Variants in COL24A1 observed in about 807,000 individuals in gnomAD.
The protein encoded by COL24A1 is collagen alpha-1(XXIV) chain.
In COL24A1, 224 loss-of-function variants were observed where a neutral mutation model predicts 253.9. That is an observed-to-expected ratio of 0.88 (90% CI 0.79 to 0.99). The LOEUF is 0.99. Among genes scored for constraint, COL24A1 ranks in the 50% least tolerant of loss-of-function variants. The pLI is 0.00. For missense variants in COL24A1, 2,131 were observed against 2,068.5 expected (o/e 1.03, Z -0.59); for synonymous variants, 685 against 673.7 (o/e 1.02, Z -0.26).
chr1:85,741,210 T>C (rs1048159763), intron 57 of COL24A1, among the ~76,000 whole-genome samples: 2 of 152,138 alleles, frequency 1.3e-5, no homozygotes, highest in African/African-American at 4.8e-5. Context: ...CTACTTCTTT[T>C]CTCTCTTTTG....
At chr1:85,769,000 AAT>A (rs796703039) in intron 53 of COL24A1, among the ~76,000 whole-genome samples, 1 of 2,736 alleles carries the variant, frequency 3.7e-4, no homozygotes, top group Non-Finnish European at 5.2e-3. Context: ...CACAGAATTC[AAT>A]AAATTCAAAC....
At chr1:85,771,144 G>A (rs1667915340) in intron 53 of COL24A1, among the ~76,000 whole-genome samples, 1 of 152,046 alleles carries the variant, frequency 6.6e-6, no homozygotes, top group South Asian at 2.1e-4. Flanking sequence ...GGTTACATGT[G>A]CAGAACGTGC....
At chr1:85,783,642 TGC>T (rs1270229236) in intron 50 of COL24A1, 84 bp from the exon 51 acceptor site, 1 of 1,274,920 alleles carries the variant, frequency 7.8e-7, no homozygotes, top group Non-Finnish European at 1.1e-6. Flanking sequence ...TATCAAGAAT[TGC>T]TCTTTTAAAA....
chr1:85,754,767 A>G (rs1355642917), intron 55 of COL24A1, among the ~76,000 whole-genome samples: 1 of 151,972 alleles, frequency 6.6e-6, no homozygotes, highest in African/African-American at 2.4e-5. Flanking sequence ...GTTTATTGAG[A>G]TTATCCTGTT....
intron 51 of COL24A1, among the ~76,000 whole-genome samples, chr1:85,782,539 C>CT (rs1269780011): frequency 2.6e-5 from 4 of 152,132 alleles, no homozygotes; most frequent in African/African-American, 9.7e-5. Flanking sequence ...AGTTTATGTC[C>CT]TTTGTAGGGA....
chr1:85,907,325 A>C (rs2102898127), intron 27 of COL24A1, 78 bp from the exon 28 acceptor site: 1 of 1,184,408 alleles, frequency 8.4e-7, no homozygotes, highest in East Asian at 2.3e-5. Flanking sequence ...CTTTCTTATA[A>C]CATATATCCT....
At position 85,818,028 on chromosome 1, in the gene COL24A1, A is replaced by G; in HGVS notation, c.3843+6T>C. On this transcript the variant is annotated splice_donor_region_variant and intron_variant, in intron 46 of 59. Coordinates refer to ENST00000370571, the MANE Select transcript of COL24A1 (RefSeq NM_152890.7). Reference sequence around the variant, plus strand: ...GCAAGAAAGATGAAAGAGGCCTGTTACTTACAGGAATCCCAGGTTTCCCAG... The same window carrying G: ...GCAAGAAAGATGAAAGAGGCCTGTTGCTTACAGGAATCCCAGGTTTCCCAG... 3 of 1,612,980 alleles carry G rather than the reference A, an allele frequency of 1.9e-6. No homozygotes were observed. Among genetic ancestry groups the G allele is most frequent in the Non-Finnish European group, 2.5e-6 (3 of 1,179,018 alleles).
intron 57 of COL24A1, among the ~76,000 whole-genome samples, chr1:85,738,298 T>A (rs570351873): frequency 3.6e-4 from 55 of 152,302 alleles, no homozygotes; most frequent in Non-Finnish European, 6.9e-4. Flanking sequence ...ATAATACTGA[T>A]AAGTAAAATA....
At chr1:86,148,351 A>ATT (rs554658469) in intron 1 of COL24A1, among the ~76,000 whole-genome samples, 1 of 149,554 alleles carries the variant, frequency 6.7e-6, no homozygotes, top group East Asian at 2.0e-4. Context: ...CACCCGGCTA[A>ATT]TTTTTTTTTT....
intron 50 of COL24A1, 67 bp from the exon 51 acceptor site, chr1:85,783,625 A>G (rs889543041): frequency 7.3e-7 from 1 of 1,364,404 alleles, no homozygotes. Context: ...ACAAAACTAT[A>G]TAAATCTATC....
At chr1:85,867,173 T>C (rs1048838606) in intron 37 of COL24A1, among the ~76,000 whole-genome samples, 5 of 152,160 alleles carry the variant, frequency 3.3e-5, no homozygotes, top group South Asian at 2.1e-4. Context: ...ATTGAGCTGA[T>C]TGGGGCAGGG....
intron 10 of COL24A1, among the ~76,000 whole-genome samples, chr1:86,054,417 A>G (rs968250650): frequency 6.6e-6 from 1 of 152,204 alleles, no homozygotes; most frequent in African/African-American, 2.4e-5. Context: ...ACTAATATCC[A>G]GAATCTACAA....
At chr1:86,041,201 A>G (rs1355941461) in intron 12 of COL24A1, among the ~76,000 whole-genome samples, 4 of 152,304 alleles carry the variant, frequency 2.6e-5, no homozygotes, top group South Asian at 2.1e-4. Context: ...TGATATTTTT[A>G]TCTTCAGAGG....
Position 85,965,020 on chromosome 1 carries a change from C to G in COL24A1, c.2506G>C (p.Glu836Gln). The G allele has an allele frequency of 6.2e-7, 1 of 1,610,986 alleles. No individual in the cohort carries two copies. Among genetic ancestry groups the G allele is most frequent in the Non-Finnish European group, 8.5e-7 (1 of 1,178,232 alleles). Reference protein sequence around the residue: ...QKGYAGEPGPEGLKGEVGDQG... With the variant: ...QKGYAGEPGPQGLKGEVGDQG... ...GTCAGTTGCTTTACCTTTAAGCCTT[C>G]TGGTCCTGGTTCACCTGCATACCCC... Residue 836 changes from glutamate to glutamine, a missense_variant, in exon 23 of 60, where the codon GAA (glutamate) becomes CAA (glutamine). Transcript: ENST00000370571.
In COL24A1 at chr1:86,089,154, G is replaced by T; in HGVS notation, c.1707+20C>A. 5 of 1,547,600 alleles carry T rather than the reference G, an allele frequency of 3.2e-6. No homozygotes were observed. Among genetic ancestry groups the T allele is most frequent in the African/African-American group, 1.4e-5 (1 of 71,032 alleles). Reference sequence around the variant, plus strand: ...AGAAAAAAAGAAGAAAAAAAGAAAAGAAGTAAAATTCCAACTTACCTTATC... The same window carrying T: ...AGAAAAAAAGAAGAAAAAAAGAAAATAAGTAAAATTCCAACTTACCTTATC... On this transcript the variant is annotated intron_variant, in intron 7 of 59. Coordinates refer to ENST00000370571, the MANE Select transcript of COL24A1 (RefSeq NM_152890.7).
At position 85,744,586 on chromosome 1, in the gene COL24A1, T is replaced by G. The variant is rs191651561; in HGVS notation, c.4672+80A>C. 7 of 1,207,714 alleles carry G rather than the reference T, an allele frequency of 5.8e-6. No homozygotes were observed. In the East Asian group the frequency reaches 1.7e-4, roughly 29 times the overall value. 74.8% of individuals were successfully genotyped at this position (1,207,714 alleles called of 1,614,324 possible). A position where few individuals can be genotyped will look rare whatever the true frequency, so the allele number is the denominator to read the frequency against. On this transcript the variant is annotated intron_variant, in intron 57 of 59. Coordinates refer to ENST00000370571, the MANE Select transcript of COL24A1 (RefSeq NM_152890.7). ...TTATCAAACTAACTATGATTTGGAG[T>G]GAACACATTACAAATCTCAAACACA...
At chr1:86,154,313 A>T (rs982586858) in intron 1 of COL24A1, 3 of 152,192 alleles carry the variant, frequency 2.0e-5, no homozygotes, top group Non-Finnish European at 2.9e-5. Context: ...CTGTAATCTG[A>T]TGTAATTATG....
intron 19 of COL24A1, among the ~76,000 whole-genome samples, chr1:86,005,026 C>G (rs1695806170): frequency 6.6e-6 from 1 of 152,132 alleles, no homozygotes; most frequent in Admixed American, 6.6e-5. Context: ...TTAGGTTGTA[C>G]TACCAGATAA....
chr1:85,850,614 A>G (rs1233999455), intron 37 of COL24A1, among the ~76,000 whole-genome samples: 1 of 152,124 alleles, frequency 6.6e-6, no homozygotes, highest in African/African-American at 2.4e-5. Flanking sequence ...TAATCTTCAT[A>G]GAGATTAAAG....
Sources: allele counts gnomAD v4.1 joint callset (sites outside exome capture counted in the v4.1 genomes callset), GRCh38; gene constraint gnomAD v4.1.1; transcripts MANE v1.5; gene names NCBI Gene and HGNC (gene_info 2026-07-23, HGNC 2026-07-21).